Variants in GSTO2 observed in about 807,000 individuals in gnomAD.
GSTO2 encodes the protein glutathione S-transferase omega 2, also known as glutathione S-transferase omega-2.
A neutral mutation model predicts 28.4 loss-of-function variants in GSTO2; 23 were observed. That is an observed-to-expected ratio of 0.81 (90% confidence interval 0.58 to 1.15). GSTO2 has a LOEUF of 1.15. GSTO2 is among the 50% of genes most tolerant of loss of function. The pLI is 0.00. For synonymous variants in GSTO2, 109 were observed against 111.0 expected (o/e 0.98, Z 0.11); for missense variants, 298 against 297.8 (o/e 1.00, Z 0.00).
chr10:104,275,446 T>C, intron 3 of GSTO2, 112 bp downstream of exon 3: 12 of 877,338 alleles, frequency 1.4e-5, no homozygotes, highest in Admixed American at 5.7e-5. Flanking sequence ...TCCCTGTCCC[T>C]TTTTTCGGAG....
At chr10:104,289,129 C>T (rs548056544) in intron 5 of GSTO2, among the ~76,000 whole-genome samples, 2 of 152,254 alleles carry the variant, frequency 1.3e-5, no homozygotes, top group South Asian at 4.1e-4. Flanking sequence ...GACAGGGTCT[C>T]ACTCTGTCAC....
intron 1 of GSTO2, among the ~76,000 whole-genome samples, chr10:104,271,391 C>T (rs768531486): frequency 2.6e-5 from 4 of 152,186 alleles, no homozygotes; most frequent in Admixed American, 6.5e-5. Context: ...TACTCACTAG[C>T]GTTTGTCATT....
At chr10:104,269,938 C>G (rs1251502450) in intron 1 of GSTO2, among the ~76,000 whole-genome samples, 1 of 152,134 alleles carries the variant, frequency 6.6e-6, no homozygotes. Flanking sequence ...TACAGTAAGA[C>G]CGTTCGTGAG....
At chr10:104,279,508 G>T in intron 5 of GSTO2, 37 bp downstream of exon 5, 1 of 1,458,560 alleles carries the variant, frequency 6.9e-7, no homozygotes, top group Non-Finnish European at 9.6e-7. Context: ...CAGCTACAGT[G>T]GAGGAAGCTA....
chr10:104,299,427 A>T lies in GSTO2; in HGVS notation c.*143A>T, dbSNP rs2013192834. The T allele has an allele frequency of 1.0e-6, 1 of 967,512 alleles. No individual in the cohort carries two copies. Among genetic ancestry groups the T allele is most frequent in the African/African-American group, 1.7e-5 (1 of 59,934 alleles). 59.9% of individuals were successfully genotyped at this position (967,512 alleles called of 1,614,324 possible). The stretch of plus-strand genomic sequence containing the variant: ...TGAAAACAGGAAATGTATTCTTCTG[A>T]TAATCATTTGTCTGACTCCTCTAGC... On this transcript the variant is annotated 3_prime_UTR_variant, in exon 7 of 7. Transcript: ENST00000338595.
intron 1 of GSTO2, among the ~76,000 whole-genome samples, chr10:104,272,628 T>C (rs1823203577): frequency 2.0e-5 from 2 of 98,068 alleles, no homozygotes; most frequent in South Asian, 3.4e-4. Context: ...TTTTTTTTTT[T>C]TTTGAGACGG....
chr10:104,280,468 G>T (rs539949570), intron 5 of GSTO2, among the ~76,000 whole-genome samples: 1 of 152,232 alleles, frequency 6.6e-6, no homozygotes, highest in East Asian at 1.9e-4. Flanking sequence ...TTTACATTTC[G>T]TTGGCCAGAA....
At chr10:104,296,412 C>T (rs2013024961) in intron 5 of GSTO2, 1 of 151,888 alleles carries the variant, frequency 6.6e-6, no homozygotes, top group South Asian at 2.1e-4. Context: ...CCCTTGAGCT[C>T]AGGAGTTTGA....
At chr10:104,271,041 C>T (rs2011378443) in intron 1 of GSTO2, among the ~76,000 whole-genome samples, 1 of 152,008 alleles carries the variant, frequency 6.6e-6, no homozygotes, top group Admixed American at 6.6e-5. Flanking sequence ...TTGAGTGGGT[C>T]AGTATAATAA....
At chr10:104,293,730 G>A (rs968065878) in intron 5 of GSTO2, among the ~76,000 whole-genome samples, 1 of 151,642 alleles carries the variant, frequency 6.6e-6, no homozygotes, top group Non-Finnish European at 1.5e-5. Flanking sequence ...CCACCACCAC[G>A]TCCAGCTAAT....
At chr10:104,294,209 T>C (rs2012919734) in intron 5 of GSTO2, among the ~76,000 whole-genome samples, 1 of 152,226 alleles carries the variant, frequency 6.6e-6, no homozygotes, top group Admixed American at 6.5e-5. Flanking sequence ...ATTTAGTATG[T>C]AGTGCACATT....
Position 104,300,332 on chromosome 10 carries a change from T to C in GSTO2, c.*1048T>C, listed in dbSNP as rs1046901903. Reference sequence around the variant, plus strand: ...TCCGTTGGATTTGCGTCACACTCTCTTCCAATTCATCTCAACAAATGCCTC... The same window carrying C: ...TCCGTTGGATTTGCGTCACACTCTCCTCCAATTCATCTCAACAAATGCCTC... On this transcript the variant is annotated 3_prime_UTR_variant, in exon 7 of 7. Transcript: ENST00000338595. The C allele has an allele frequency of 1.3e-5, 2 of 152,244 alleles. No homozygotes were observed. The highest frequency in any genetic ancestry group is 4.8e-5 in the African/African-American group (2 of 41,460). 9.4% of individuals were successfully genotyped at this position (152,244 alleles called of 1,614,324 possible).
At chr10:104,286,986 C>G (rs1056115021) in intron 5 of GSTO2, among the ~76,000 whole-genome samples, 1 of 152,092 alleles carries the variant, frequency 6.6e-6, no homozygotes, top group African/African-American at 2.4e-5. Flanking sequence ...GTTTTCTGTC[C>G]TTTTCTGCTA....
intron 2 of GSTO2, 47 bp downstream of exon 2, chr10:104,274,996 G>A: frequency 6.4e-7 from 1 of 1,561,490 alleles, no homozygotes; most frequent in Non-Finnish European, 8.6e-7. Context: ...CCGCGTGACA[G>A]AAAATGTTGG....
At chr10:104,269,711 ATAATAATAGC>A (rs748375256) in intron 1 of GSTO2, among the ~76,000 whole-genome samples, 8 of 152,242 alleles carry the variant, frequency 5.3e-5, no homozygotes, top group Non-Finnish European at 2.9e-5. Context: ...TAATCATAAA[ATAATAATAGC>A]TAATGTTGAA....
chr10:104,291,192 T>C (rs1297439524), intron 5 of GSTO2: 1 of 151,886 alleles, frequency 6.6e-6, no homozygotes, highest in African/African-American at 2.4e-5. Flanking sequence ...GGGCAGAGAG[T>C]AGGGGATGAC....
intron 5 of GSTO2, 124 bp downstream of exon 5, chr10:104,279,595 CT>C (rs1482018345): frequency 3.1e-6 from 2 of 636,344 alleles, no homozygotes; most frequent in Non-Finnish European, 5.6e-6. Flanking sequence ...AGTCAGACTT[CT>C]GATCATCTGA....
chr10:104,277,095 C>T (rs986849648), intron 3 of GSTO2, among the ~76,000 whole-genome samples: 22 of 152,278 alleles, frequency 1.4e-4, no homozygotes, highest in African/African-American at 4.8e-4. Context: ...GTTAGGAATT[C>T]GGTTAAGGTC....
intron 6 of GSTO2, among the ~76,000 whole-genome samples, chr10:104,298,912 A>G (rs529587544): frequency 1.9e-4 from 29 of 152,332 alleles, no homozygotes; most frequent in African/African-American, 6.7e-4. Flanking sequence ...AAAGTATTTC[A>G]CTGTATTATT....
Sources: allele counts gnomAD v4.1 joint callset (sites outside exome capture counted in the v4.1 genomes callset), GRCh38; gene constraint gnomAD v4.1.1; transcripts MANE v1.5; gene names NCBI Gene and HGNC (gene_info 2026-07-23, HGNC 2026-07-21).